DACT1: variants seen among roughly 807,000 people sequenced by gnomAD.
DACT1 encodes the protein dapper homolog 1.
A neutral mutation model predicts 35.3 loss-of-function variants in DACT1; 19 were observed. That is an observed-to-expected ratio of 0.54 (90% confidence interval 0.38 to 0.79). The LOEUF is 0.79. Ranked by LOEUF, DACT1 falls within the 30% of genes least tolerant of loss-of-function variation. The pLI, the probability that DACT1 is intolerant of heterozygous loss-of-function variation, is 0.00. For missense variants in DACT1, 1,143 were observed against 1,057.5 expected (o/e 1.08, Z -1.12); for synonymous variants, 545 against 466.7 (o/e 1.17, Z -2.16).
chr14:58,639,885 C>CATG (rs2047611139), intron 1 of DACT1, among the ~76,000 whole-genome samples: 1 of 152,214 alleles, frequency 6.6e-6, no homozygotes, highest in Non-Finnish European at 1.5e-5. Flanking sequence ...TTGTTTTGTG[C>CATG]AATTGCACCT....
intron 3 of DACT1, among the ~76,000 whole-genome samples, chr14:58,642,585 T>C (rs1178011679): frequency 2.0e-5 from 3 of 151,980 alleles, no homozygotes; most frequent in Non-Finnish European, 4.4e-5. Context: ...TCCCAGCTAC[T>C]TGAGAGGCTG....
rs763406526 is a variant in DACT1, at chr14:58,645,597, G to A, written c.863G>A (p.Ser288Asn). The change falls in exon 4 of 4, where the codon AGT becomes AAT. Residue 288 changes from serine to asparagine, a missense_variant. Transcript: ENST00000395153. ...GACAGTTCCTTACCGTCCCCAAGCA[G>A]TCTGTGGTCTGCTTCCCATCCTTCA... ...KTDSSLPSPSSLWSASHPSSS... is the reference protein window; with the variant it reads ...KTDSSLPSPSNLWSASHPSSS... 2 of 1,614,064 alleles carry A rather than the reference G, an allele frequency of 1.2e-6. No homozygotes were observed. Among genetic ancestry groups the A allele is most frequent in the South Asian group, 1.1e-5 (1 of 91,080 alleles).
upstream of DACT1, among the ~76,000 whole-genome samples, chr14:58,637,450 T>A (rs1356920139): frequency 6.6e-6 from 1 of 152,268 alleles, no homozygotes; most frequent in East Asian, 1.9e-4. Flanking sequence ...CCACAGTGTC[T>A]GTGAATACAC....
chr14:58,648,231 A>G lies in DACT1; in HGVS notation c.*1097A>G. 1 of 167,060 alleles carries G rather than the reference A, an allele frequency of 6.0e-6. No homozygotes were observed. The highest frequency in any genetic ancestry group is 1.9e-4 in the East Asian group (1 of 5,206). The allele number at this position is 167,060 out of a possible 1,614,324, so 10.3% of individuals were successfully genotyped here. ...TGTGTTTTTATATATCATTGTGTAAATTTAATATAACATATGCAGTAATAA... is the reference window on the plus strand; with the variant it reads ...TGTGTTTTTATATATCATTGTGTAAGTTTAATATAACATATGCAGTAATAA... On this transcript the variant is annotated 3_prime_UTR_variant, in exon 4 of 4. Transcript: ENST00000395153.
At position 58,640,816 on chromosome 14, in the gene DACT1, T is replaced by C; in HGVS notation, c.426T>C (p.Asp142=). The C allele has an allele frequency of 4.3e-6, 7 of 1,614,116 alleles. No individual in the cohort carries two copies. Among genetic ancestry groups the C allele is most frequent in the Non-Finnish European group, 5.9e-6 (7 of 1,180,030 alleles). Residue 142 remains aspartate (D), a synonymous_variant, in exon 2 of 4, where the codon GAT becomes GAC. Transcript: ENST00000395153. ...AGCAGATAAGTGACCTGAGACTGGA[T>C]GTAGAAAAGACATCTGAAGAGCACC... The part of the protein sequence containing the change: ...LDKQISDLRL[D]VEKTSEEHLE...
At chr14:58,643,138 C>T (rs1161376941) in intron 3 of DACT1, among the ~76,000 whole-genome samples, 3 of 152,222 alleles carry the variant, frequency 2.0e-5, no homozygotes, top group East Asian at 1.9e-4. Flanking sequence ...GCCAGGTCCA[C>T]GTTTTTCATC....
chr14:58,646,899 C>T lies in DACT1; in HGVS notation c.2165C>T (p.Ser722Leu). Residue 722 changes from serine to leucine, a missense_variant, in exon 4 of 4, where the codon TCG becomes TTG. Ser to Leu is a moderately radical substitution (Grantham distance 145). Around this residue, in one of 3 missense-constraint regions of DACT1, gnomAD observed 1,054 missense variants for 958.8 expected, o/e 1.10. Transcript: ENST00000395153. ...YTTNCFGDSE[S>L]SVSEGEFVGE... ...ACCAACTGCTTCGGGGACAGCGAGT[C>T]GAGTGTGAGCGAGGGCGAGTTCGTG... 4 of 1,614,054 alleles carry T rather than the reference C, an allele frequency of 2.5e-6. No individual in the cohort carries two copies. The highest frequency in any genetic ancestry group is 3.4e-6 in the Non-Finnish European group (4 of 1,180,014).
At chr14:58,635,689 G>A (rs1194930764), upstream of DACT1, among the ~76,000 whole-genome samples, 5 of 152,214 alleles carry the variant, frequency 3.3e-5, no homozygotes, top group African/African-American at 1.2e-4. Context: ...TGGTGAGGAG[G>A]GGGGTTGGGA....
In DACT1 at chr14:58,647,667, C is replaced by G. The variant is rs1321567375; in HGVS notation, c.*533C>G. On this transcript the variant is annotated 3_prime_UTR_variant, in exon 4 of 4. Transcript: ENST00000395153. ...AGATGTATCCCCATTCGGTTTTATT[C>G]TCAGAACTGTTACTAGACTCATGAC... 6.0e-6 allele frequency: 1 copy of G among 167,470 alleles called. No homozygotes were observed. The highest frequency in any genetic ancestry group is 1.9e-4 in the East Asian group (1 of 5,234). The allele number at this position is 167,470 out of a possible 1,614,324, so 10.4% of individuals were successfully genotyped here.
At chr14:58,643,139 G>C (rs1228886788) in intron 3 of DACT1, among the ~76,000 whole-genome samples, 2 of 152,206 alleles carry the variant, frequency 1.3e-5, no homozygotes, top group Non-Finnish European at 2.9e-5. Flanking sequence ...CCAGGTCCAC[G>C]TTTTTCATCA....
At position 58,646,594 on chromosome 14, in the gene DACT1, G is replaced by A. The variant is rs200252137; in HGVS notation, c.1860G>A (p.Ala620=). 2.5e-6 allele frequency: 4 copies of A among 1,588,784 alleles called. No individual in the cohort carries two copies. The highest frequency in any genetic ancestry group is 1.3e-5 in the African/African-American group (1 of 74,246). ...AGGGHRAGSR[A]HGHGREAVVA... The stretch of plus-strand genomic sequence containing the variant: ...GGGGCCACAGGGCGGGGAGCAGGGC[G>A]CATGGCCACGGACGGGAGGCGGTGG... Residue 620 remains alanine, a synonymous_variant, in exon 4 of 4, where the codon GCG becomes GCA. Coordinates refer to ENST00000395153, the MANE Select transcript of DACT1 (RefSeq NM_001079520.2).
chr14:58,638,661 T>A, intron 1 of DACT1, 114 bp downstream of exon 1: 2 of 1,229,664 alleles, frequency 1.6e-6, no homozygotes, highest in East Asian at 3.2e-5. Context: ...CTCGCTGTTA[T>A]GGGACGCCCC....
At chr14:58,636,389 G>T (rs1172999373), upstream of DACT1, among the ~76,000 whole-genome samples, 1 of 152,154 alleles carries the variant, frequency 6.6e-6, no homozygotes, top group African/African-American at 2.4e-5. Flanking sequence ...GTAATGTGCT[G>T]AATACAGCGA....
rs2047593242 is a variant in DACT1, at chr14:58,638,313, A to C, written c.111A>C (p.Ala37=). The change falls in exon 1 of 4, where the codon GCA becomes GCC. Residue 37 remains alanine, a synonymous_variant. Transcript: ENST00000395153. ...GGCGCTGGCGGGAGAAGGGCGAGGCAGACACCGAGCGGCAGCGCACCCGGG... is the reference window on the plus strand; with the variant it reads ...GGCGCTGGCGGGAGAAGGGCGAGGCCGACACCGAGCGGCAGCGCACCCGGG... ...PEGRWREKGE[A]DTERQRTRER... 3.8e-6 allele frequency: 5 copies of C among 1,330,756 alleles called. No individual in the cohort carries two copies. In the South Asian group the frequency reaches 1.0e-4, roughly 27 times the overall value. The allele number at this position is 1,330,756 out of a possible 1,614,324, so 82.4% of individuals were successfully genotyped here.
At chr14:58,642,377 C>A (rs773405986) in intron 3 of DACT1, among the ~76,000 whole-genome samples, 10 of 152,070 alleles carry the variant, frequency 6.6e-5, no homozygotes, top group African/African-American at 2.4e-4. Flanking sequence ...GTCCCAGCTA[C>A]TCGGGAGGCT....
rs1333081053 is a variant in DACT1, at chr14:58,647,013, C to T, written c.2279C>T (p.Thr760Met). Residue 760 changes from threonine (T) to methionine (M), a missense_variant, in exon 4 of 4, where the codon ACG becomes ATG. Around this residue, in one of 3 missense-constraint regions of DACT1, gnomAD observed 1,054 missense variants for 958.8 expected, o/e 1.10. Transcript: ENST00000395153. The stretch of plus-strand genomic sequence containing the variant: ...CAGACTCTGCCCATTCAAACGGTAA[C>T]GGCCCCAGACCTTCACAACCACCCC... ...FVQTLPIQTV[T>M]APDLHNHPAK... 1.9e-6 allele frequency: 3 copies of T among 1,614,166 alleles called. No homozygotes were observed. Among genetic ancestry groups the T allele is most frequent in the East Asian group, 2.2e-5 (1 of 44,874 alleles).
chr14:58,638,546 T>G lies in DACT1; in HGVS notation c.344T>G (p.Leu115Trp). 1 of 1,340,172 alleles carries G rather than the reference T, an allele frequency of 7.5e-7. No homozygotes were observed. Among genetic ancestry groups the G allele is most frequent in the Non-Finnish European group, 9.6e-7 (1 of 1,038,590 alleles). The allele number at this position is 1,340,172 out of a possible 1,614,324, so 83.0% of individuals were successfully genotyped here. Residue 115 changes from leucine to tryptophan, a missense_variant and splice_region_variant, in exon 1 of 4, where the codon TTG becomes TGG. Around this residue, in one of 3 missense-constraint regions of DACT1, gnomAD observed 1,054 missense variants for 958.8 expected, o/e 1.10. Transcript: ENST00000395153. ...AACATCTTGCTGCTAAGAAAGCAAT[T>G]GGTAGGTCGTGCCCGAAGGTGGAGC... ...EENILLLRKQ[L>W]NCLRRRDAGL...
chr14:58,638,100 C>G lies in DACT1; in HGVS notation c.-103C>G. On this transcript the variant is annotated 5_prime_UTR_variant, in exon 1 of 4. Coordinates refer to ENST00000395153, the MANE Select transcript of DACT1 (RefSeq NM_001079520.2). ...CGTCCCCGCCAGCGCCGCGCCCCGC[C>G]ACAGGGCGGCATGAGCCCACCCGCG... 8.6e-7 allele frequency: 1 copy of G among 1,162,530 alleles called. No homozygotes were observed. Among genetic ancestry groups the G allele is most frequent in the Non-Finnish European group, 1.1e-6 (1 of 933,112 alleles). 72.0% of individuals were successfully genotyped at this position (1,162,530 alleles called of 1,614,324 possible).
At position 58,648,274 on chromosome 14, in the gene DACT1, TGTTAA is replaced by T. The variant is rs1296840596; in HGVS notation, c.*1144_*1148del. On this transcript the variant is annotated 3_prime_UTR_variant, in exon 4 of 4. Transcript: ENST00000395153. ...AGTAATAAACCATTTGTTTTACTGCTGTTAAGTTTGTTATTTGGGTATAAAACCAG... is the reference window on the plus strand; with the variant it reads ...AGTAATAAACCATTTGTTTTACTGCTGTTTGTTATTTGGGTATAAAACCAG... The T allele has an allele frequency of 6.0e-6, 1 of 167,114 alleles. No homozygotes were observed. Among genetic ancestry groups the T allele is most frequent in the Non-Finnish European group, 1.5e-5 (1 of 68,126 alleles). 10.4% of individuals were successfully genotyped at this position (167,114 alleles called of 1,614,324 possible). A position where few individuals can be genotyped will look rare whatever the true frequency, so the allele number is the denominator to read the frequency against.
Sources: gnomAD v4.1 joint callset for allele counts (sites outside exome capture counted in the v4.1 genomes callset) on GRCh38, gnomAD v4.1.1 for gene constraint, gnomAD v4.1.1 regional missense constraint, MANE v1.5 for transcripts, NCBI Gene and HGNC (gene_info 2026-07-23, HGNC 2026-07-21) for gene names.